PLAG1: variants seen among roughly 807,000 people sequenced by gnomAD.
PLAG1 encodes the protein PLAG1 zinc finger.
Under a neutral mutation model 35.5 loss-of-function variants are expected in PLAG1, and 7 were observed. That is an observed-to-expected ratio of 0.20 (90% CI 0.11 to 0.37). The LOEUF (loss-of-function observed/expected upper bound fraction) is 0.37. Ranked by LOEUF, PLAG1 falls within the 10% of genes least tolerant of loss-of-function variation. PLAG1 has a pLI of 1.00. For missense variants in PLAG1, 454 were observed against 602.8 expected (o/e 0.75, Z 2.58); for synonymous variants, 229 against 225.4 (o/e 1.02, Z -0.14).
chr8:56,191,846 T>A (rs902158409), intron 1 of PLAG1, among the ~76,000 whole-genome samples: 1 of 149,566 alleles, frequency 6.7e-6, no homozygotes, highest in Non-Finnish European at 1.5e-5. Flanking sequence ...GGAACACAGG[T>A]TCTGAACTGC....
At chr8:56,185,130 C>T (rs535721857) in intron 1 of PLAG1, among the ~76,000 whole-genome samples, 5 of 152,236 alleles carry the variant, frequency 3.3e-5, no homozygotes, top group East Asian at 1.9e-4. Context: ...TGCACGATTC[C>T]ATCTATACAA....
intron 1 of PLAG1, among the ~76,000 whole-genome samples, chr8:56,189,137 T>C (rs754956135): frequency 6.6e-6 from 1 of 152,134 alleles, no homozygotes; most frequent in South Asian, 2.1e-4. Flanking sequence ...AAAAGGAAGA[T>C]GAGAGGAAGG....
intron 1 of PLAG1, among the ~76,000 whole-genome samples, chr8:56,210,214 C>T (rs1002805923): frequency 2.0e-5 from 3 of 152,162 alleles, no homozygotes; most frequent in African/African-American, 7.2e-5. Flanking sequence ...AGGGGAAAGG[C>T]GGTACATACT....
chr8:56,182,943 G>A (rs1291000574), intron 1 of PLAG1, among the ~76,000 whole-genome samples: 2 of 152,138 alleles, frequency 1.3e-5, no homozygotes, highest in African/African-American at 4.8e-5. Flanking sequence ...ATCCTGCTAA[G>A]TTTTTTGGTA....
At position 56,167,207 on chromosome 8, in the gene PLAG1, ACCC is replaced by A; in HGVS notation, c.536_538del (p.Gly179del). ...TTCGCACTGGTGCTTTTTTTCTTTA[ACCC>A]CACCAGACGACTTGCCTGCATGAGA... On this transcript the variant is annotated inframe_deletion, in exon 5 of 5. Transcript: ENST00000316981. This position sits in a 1 kb window ranked among gnomAD's most constrained non-coding sequence, Gnocchi z 5.9. 1 of 1,613,762 alleles carries A rather than the reference ACCC, an allele frequency of 6.2e-7. No homozygotes were observed. The highest frequency in any genetic ancestry group is 2.2e-5 in the East Asian group (1 of 44,868).
At chr8:56,176,911 TA>T (rs1316725309) in intron 2 of PLAG1, among the ~76,000 whole-genome samples, 4 of 152,196 alleles carry the variant, frequency 2.6e-5, no homozygotes, top group African/African-American at 9.7e-5. Flanking sequence ...TCATGTATAG[TA>T]AATTGCCTAA....
In PLAG1 at chr8:56,165,741, G is replaced by A. The variant is rs968514424; in HGVS notation, c.*502C>T. 5 of 194,994 alleles carry A rather than the reference G, an allele frequency of 2.6e-5. No homozygotes were observed. The highest frequency in any genetic ancestry group is 8.1e-5 in the East Asian group (1 of 12,310). The allele number at this position is 194,994 out of a possible 1,614,324, so 12.1% of individuals were successfully genotyped here. A position where few individuals can be genotyped will look rare whatever the true frequency, so the allele number is the denominator to read the frequency against. On this transcript the variant is annotated 3_prime_UTR_variant, in exon 5 of 5. Coordinates refer to ENST00000316981, the MANE Select transcript of PLAG1 (RefSeq NM_002655.3). ...ATCTAACAAACATTTATTATCTTCC[G>A]AAACTGGACTCTTAATTCATTTGAA...
At chr8:56,195,570 G>A (rs988273474) in intron 1 of PLAG1, among the ~76,000 whole-genome samples, 2 of 152,232 alleles carry the variant, frequency 1.3e-5, no homozygotes, top group East Asian at 1.9e-4. Flanking sequence ...TAGGGTGGTG[G>A]TGGAGCCACG....
Position 56,196,959 on chromosome 8 carries a change from T to C in PLAG1, c.-322+14162A>G, listed in dbSNP as rs997286173. 1.3e-4 allele frequency among the ~76,000 whole-genome samples: 14 copies of C among 111,154 alleles called. No homozygotes were observed. The East Asian group carries it at 3.0e-3, about 24-fold the overall frequency. The allele number at this position is 111,154 out of a possible 152,430, so 72.9% of individuals were successfully genotyped here. ...TCTCCCTCCCTAGTGTGCGTGTGTG[T>C]GTGTGTGTGTGTGTGTGTGTGTGTG... is the stretch of plus-strand genomic sequence containing the variant. On this transcript the variant is annotated intron_variant, in intron 1 of 4. Transcript: ENST00000316981.
intron 2 of PLAG1, among the ~76,000 whole-genome samples, chr8:56,177,435 C>T (rs1434989246): frequency 6.6e-6 from 1 of 152,180 alleles, no homozygotes; most frequent in Non-Finnish European, 1.5e-5. Flanking sequence ...ATGTACTCTC[C>T]TGGCTGGAAC....
chr8:56,201,873 G>A (rs972281580), intron 1 of PLAG1, among the ~76,000 whole-genome samples: 2 of 151,770 alleles, frequency 1.3e-5, no homozygotes, highest in Non-Finnish European at 2.9e-5. Context: ...AGTTATAAAA[G>A]TCATGTTGCT....
chr8:56,180,104 T>C (rs1054653822), intron 1 of PLAG1, among the ~76,000 whole-genome samples: 1 of 152,220 alleles, frequency 6.6e-6, no homozygotes, highest in South Asian at 2.1e-4. Flanking sequence ...CTCAACGACA[T>C]ACAAAGAAAA....
chr8:56,182,061 G>A (rs1186796861), intron 1 of PLAG1, among the ~76,000 whole-genome samples: 2 of 152,152 alleles, frequency 1.3e-5, no homozygotes, highest in East Asian at 1.9e-4. Flanking sequence ...CATGCTGTAC[G>A]GATTCAGATG....
chr8:56,191,303 A>G (rs1389064356), intron 1 of PLAG1, among the ~76,000 whole-genome samples: 1 of 152,116 alleles, frequency 6.6e-6, no homozygotes, highest in Admixed American at 6.6e-5. Context: ...GTGAGACCTG[A>G]GCTAGAGAGA....
chr8:56,178,078 A>C, intron 2 of PLAG1: 1 of 825,552 alleles, frequency 1.2e-6, no homozygotes, highest in Non-Finnish European at 1.5e-6. Flanking sequence ...ACATGGAACT[A>C]CAGGTTGATC....
intron 1 of PLAG1, among the ~76,000 whole-genome samples, chr8:56,199,110 T>G (rs563844637): frequency 6.6e-6 from 1 of 152,106 alleles, no homozygotes; most frequent in Non-Finnish European, 1.5e-5. Flanking sequence ...TCAGGAAAAG[T>G]GTACACTGAG....
chr8:56,197,654 G>T (rs1025603695), intron 1 of PLAG1, among the ~76,000 whole-genome samples: 7 of 152,178 alleles, frequency 4.6e-5, no homozygotes, highest in Admixed American at 6.5e-5. Context: ...CTGTGCTTAG[G>T]TCTACGTGTT....
In PLAG1 at chr8:56,199,581, T is replaced by C. The variant is rs143612012; in HGVS notation, c.-322+11540A>G. ...AAGTGGAGAGGAAGAGATGGGAAAT[T>C]CCAAGATGGGAGGGGTGAGTGACAA... is the stretch of plus-strand genomic sequence containing the variant. On this transcript the variant is annotated intron_variant, in intron 1 of 4. Transcript: ENST00000316981. Among the ~76,000 whole-genome samples, 731 of 152,180 alleles carry C rather than the reference T, an allele frequency of 4.8e-3. 11 individuals are homozygous for C. The highest frequency in any genetic ancestry group is 0.017 in the African/African-American group (705 of 41,516).
intron 2 of PLAG1, among the ~76,000 whole-genome samples, chr8:56,176,955 G>T (rs1368802816): frequency 1.3e-5 from 2 of 152,106 alleles, no homozygotes; most frequent in African/African-American, 2.4e-5. Flanking sequence ...GAATAATCCA[G>T]ATTTCATGTC....
Sources: allele counts gnomAD v4.1 joint callset (sites outside exome capture counted in the v4.1 genomes callset), GRCh38; gene constraint gnomAD v4.1.1; non-coding constraint Gnocchi (gnomAD v3.1); transcripts MANE v1.5; gene names NCBI Gene and HGNC (gene_info 2026-07-23, HGNC 2026-07-21).